The following ZNF423 variants were observed in gnomAD, a reference collection of about 807,000 sequenced individuals.
ZNF423 encodes Ebf-associated zinc finger protein.
ZNF423 carries 12 observed loss-of-function variants against 95.8 expected under a neutral mutation model. The observed-to-expected ratio is 0.13, with a 90% confidence interval of 0.08 to 0.20. The LOEUF (loss-of-function observed/expected upper bound fraction) is 0.20, where lower values mean the gene tolerates loss of function less well. Among genes scored for constraint, ZNF423 ranks in the 10% least tolerant of loss-of-function variants. The pLI is 1.00. For synonymous variants in ZNF423, 749 were observed against 711.9 expected (o/e 1.05, Z -0.83); for missense variants, 1,316 against 1,737.1 (o/e 0.76, Z 4.31).
chr16:49,512,022 C>CACTAT (rs376805518), intron 7 of ZNF423, among the ~76,000 whole-genome samples: 255 of 152,260 alleles, frequency 1.7e-3, no homozygotes, highest in African/African-American at 5.3e-3. Context: ...TATGATGCAG[C>CACTAT]ACTATACTAT....
At chr16:49,652,751 C>T (rs530967147) in intron 3 of ZNF423, among the ~76,000 whole-genome samples, 2 of 152,166 alleles carry the variant, frequency 1.3e-5, no homozygotes, top group South Asian at 2.1e-4. Flanking sequence ...CACATTCGGC[C>T]GTGTTCGTGG....
intron 3 of ZNF423, among the ~76,000 whole-genome samples, chr16:49,723,374 G>A (rs1349080317): frequency 6.6e-6 from 1 of 152,174 alleles, no homozygotes; most frequent in African/African-American, 2.4e-5. Flanking sequence ...GGAAGGCCAG[G>A]CATCTCAAGC....
At chr16:49,521,572 GT>G (rs1968397602) in intron 7 of ZNF423, among the ~76,000 whole-genome samples, 1 of 152,264 alleles carries the variant, frequency 6.6e-6, no homozygotes, top group Non-Finnish European at 1.5e-5. Flanking sequence ...GGAGACAGCA[GT>G]GGCATGGTAA....
chr16:49,815,866 CAAA>C (rs1424354743), intron 1 of ZNF423, among the ~76,000 whole-genome samples: 1 of 57,928 alleles, frequency 1.7e-5, no homozygotes, highest in Non-Finnish European at 2.8e-5. Context: ...TAATTCCAAA[CAAA>C]CAAAAAAAAA....
chr16:49,755,868 A>G (rs1292744613), intron 2 of ZNF423, among the ~76,000 whole-genome samples: 1 of 152,190 alleles, frequency 6.6e-6, no homozygotes, highest in African/African-American at 2.4e-5. Flanking sequence ...GCATCAGCCA[A>G]CAAGTGTTGC....
intron 5 of ZNF423, among the ~76,000 whole-genome samples, chr16:49,546,083 A>G (rs1192733026): frequency 6.6e-6 from 1 of 152,208 alleles, no homozygotes; most frequent in Non-Finnish European, 1.5e-5. Context: ...TGGGAACATA[A>G]GCAGAATGAG....
rs1274754531 is a variant in ZNF423 at position 49,517,992 on chromosome 16, TCTACCGTAAGCTAAAATCCATCATTA to T, written c.3849+5606_3849+5631del. 1.5e-5 allele frequency: 7 copies of T among 452,554 alleles called. No homozygotes were observed. The East Asian group carries it at 4.9e-4, about 31-fold the overall frequency. The allele number at this position is 452,554 out of a possible 1,614,324, so 28.0% of individuals were successfully genotyped here. A position where few individuals can be genotyped will look rare whatever the true frequency, so the allele number is the denominator to read the frequency against. ...GTTTTGGAAACAAGGTACACTTTTTTCTACCGTAAGCTAAAATCCATCATTAACACTTCCTCCTGGTGATGATATTG... is the reference window on the plus strand; with the variant it reads ...GTTTTGGAAACAAGGTACACTTTTTTACACTTCCTCCTGGTGATGATATTG... On this transcript the variant is annotated intron_variant, in intron 7 of 7. Coordinates refer to ENST00000563137, the MANE Select transcript of ZNF423 (RefSeq NM_001379286.1).
chr16:49,657,826 A>G (rs2029967396), intron 3 of ZNF423, among the ~76,000 whole-genome samples: 1 of 152,194 alleles, frequency 6.6e-6, no homozygotes, highest in African/African-American at 2.4e-5. Context: ...TGACTAAGGT[A>G]CAACTGCCAC....
At chr16:49,715,519 G>T (rs1274458119) in intron 3 of ZNF423, among the ~76,000 whole-genome samples, 1 of 152,180 alleles carries the variant, frequency 6.6e-6, no homozygotes, top group Non-Finnish European at 1.5e-5. Context: ...GGCAGGAGGA[G>T]TACTTGAGGC....
chr16:49,813,426 C>T (rs1453541603), intron 1 of ZNF423, among the ~76,000 whole-genome samples: 1 of 152,194 alleles, frequency 6.6e-6, no homozygotes, highest in Admixed American at 6.5e-5. Flanking sequence ...GCACCCCAAT[C>T]GTGCCCTGAG....
intron 2 of ZNF423, among the ~76,000 whole-genome samples, chr16:49,783,905 G>A (rs1432500731): frequency 6.6e-6 from 1 of 151,144 alleles, no homozygotes; most frequent in Non-Finnish European, 1.5e-5. Context: ...GGGAGGTGGA[G>A]GTTGCAGTGA....
At chr16:49,780,612 A>G (rs9922183) in intron 2 of ZNF423, 40,443 of 152,140 alleles carry the variant, frequency 0.27, 6,597 homozygotes, top group African/African-American at 0.46. Flanking sequence ...CCCCTGTGCT[A>G]GAGGGGGAGC....
intron 5 of ZNF423, among the ~76,000 whole-genome samples, chr16:49,550,616 G>A (rs1969598638): frequency 6.6e-6 from 1 of 152,230 alleles, no homozygotes; most frequent in Non-Finnish European, 1.5e-5. Context: ...CCTTTCCTGG[G>A]CCTACTCAGT....
At chr16:49,728,451 C>A (rs1003800545) in intron 3 of ZNF423, among the ~76,000 whole-genome samples, 1 of 152,160 alleles carries the variant, frequency 6.6e-6, no homozygotes, top group African/African-American at 2.4e-5. Context: ...TGCGTCCCCA[C>A]GGAGGTCATT....
chr16:49,604,702 G>A (rs137858919), intron 5 of ZNF423, among the ~76,000 whole-genome samples: 70 of 152,166 alleles, frequency 4.6e-4, no homozygotes, highest in African/African-American at 1.6e-3. Flanking sequence ...TGGCCATCTG[G>A]TCATGCAACC....
chr16:49,717,784 C>G (rs1405066929), intron 3 of ZNF423, among the ~76,000 whole-genome samples: 2 of 152,132 alleles, frequency 1.3e-5, no homozygotes, highest in Non-Finnish European at 2.9e-5. Flanking sequence ...CTTCTCTGTC[C>G]TCCCTGAACC....
chr16:49,680,411 C>T (rs1029100167), intron 3 of ZNF423, among the ~76,000 whole-genome samples: 5 of 152,344 alleles, frequency 3.3e-5, no homozygotes, highest in South Asian at 2.1e-4. Context: ...AATGGCAGGA[C>T]GGAAAGAGCT....
At chr16:49,654,751 C>T (rs1973543760) in intron 3 of ZNF423, among the ~76,000 whole-genome samples, 1 of 152,220 alleles carries the variant, frequency 6.6e-6, no homozygotes, top group African/African-American at 2.4e-5. Flanking sequence ...GCGCCCTTTC[C>T]ATTCTGTTGT....
intron 3 of ZNF423, among the ~76,000 whole-genome samples, chr16:49,650,015 TA>T (rs1207963263): frequency 6.6e-6 from 1 of 152,198 alleles, no homozygotes; most frequent in Non-Finnish European, 1.5e-5. Flanking sequence ...CAAGGAAAAG[TA>T]GGGATCATTC....
Sources: gnomAD v4.1 joint callset for allele counts (sites outside exome capture counted in the v4.1 genomes callset) on GRCh38, gnomAD v4.1.1 for gene constraint, MANE v1.5 for transcripts, NCBI Gene and HGNC (gene_info 2026-07-23, HGNC 2026-07-21) for gene names.